ERAP2: variants seen among roughly 807,000 people sequenced by gnomAD.
The protein encoded by ERAP2 is endoplasmic reticulum aminopeptidase 2, also known as leukocyte-derived arginine aminopeptidase.
In ERAP2, 118 loss-of-function variants were observed where a neutral mutation model predicts 111.1. The observed-to-expected ratio is 1.06, with a 90% CI of 0.92 to 1.24. The LOEUF (loss-of-function observed/expected upper bound fraction) is 1.24, where lower values mean the gene tolerates loss of function less well. Among genes scored for constraint, ERAP2 ranks in the 50% most tolerant of loss-of-function variants. The pLI, the probability that ERAP2 is intolerant of heterozygous loss-of-function variation, is 0.00. For synonymous variants in ERAP2, 410 were observed against 401.2 expected, an observed-to-expected ratio of 1.02 and a Z score of -0.26; for missense variants, 1,131 against 1,125.8, an observed-to-expected ratio of 1.00 and a Z score of -0.07.
At chr5:96,914,014 T>C (rs1267311918) in intron 17 of ERAP2, among the ~76,000 whole-genome samples, 1 of 152,120 alleles carries the variant, frequency 6.6e-6, no homozygotes, top group Non-Finnish European at 1.5e-5. Context: ...GGTTTCAACT[T>C]TGGGGAGAAC....
At chr5:96,912,917 C>A in intron 16 of ERAP2, 119 bp downstream of exon 16, 2 of 761,118 alleles carry the variant, frequency 2.6e-6, no homozygotes, top group Non-Finnish European at 4.1e-6. Context: ...ATGTGTATGG[C>A]TTTAACTTTA....
rs541645586 is a variant in ERAP2, at chr5:96,895,000, G to C, written c.1126-246G>C. Among the ~76,000 whole-genome samples, 25 of 152,034 alleles carry C rather than the reference G, an allele frequency of 1.6e-4. 1 individual carries two copies. The South Asian group carries it at 5.2e-3, about 32-fold the overall frequency. On this transcript the variant is annotated intron_variant, in intron 6 of 18. Coordinates refer to ENST00000437043, the MANE Select transcript of ERAP2 (RefSeq NM_022350.5). ...GAAATGTTGGGCAGATAGAATGAAA[G>C]TCGAAGAGTTAAGGGCATTGAGAAC...
chr5:96,914,148 T>TCTCACACA (rs34158080), intron 17 of ERAP2, among the ~76,000 whole-genome samples: 5 of 148,084 alleles, frequency 3.4e-5, no homozygotes, highest in African/African-American at 1.0e-4. Flanking sequence ...TCTCTCTCTC[T>TCTCACACA]CACACACACA....
At chr5:96,892,567 T>TA (rs1180907687) in intron 6 of ERAP2, 114 bp downstream of exon 6, 1 of 1,218,342 alleles carries the variant, frequency 8.2e-7, no homozygotes, top group African/African-American at 1.5e-5. Context: ...GAGGGGAACT[T>TA]AGAGACTACT....
chr5:96,900,059 T>C, intron 9 of ERAP2, 62 bp from the exon 10 acceptor site: 2 of 1,584,314 alleles, frequency 1.3e-6, no homozygotes, highest in African/African-American at 2.7e-5. Context: ...CCATGGCTAA[T>C]GTGCACGTTC....
At position 96,912,694 on chromosome 5, in the gene ERAP2, A is replaced by G; in HGVS notation, c.2412A>G (p.Gly804=). ...VYSVGAQTTA[G]WNYLLEQYEL... ...CTGTGGGTGCTCAGACAACAGCAGG[A>G]TGGAATTACCTTTTAGAGCAATATG... is the stretch of plus-strand genomic sequence containing the variant. The change falls in exon 16 of 19, where the codon GGA becomes GGG. Residue 804 remains glycine, a synonymous_variant. Coordinates refer to ENST00000437043, the MANE Select transcript of ERAP2 (RefSeq NM_022350.5). 6.2e-7 allele frequency: 1 copy of G among 1,610,614 alleles called. No individual in the cohort carries two copies.
intron 5 of ERAP2, among the ~76,000 whole-genome samples, chr5:96,889,989 A>G (rs1784166553): frequency 6.6e-6 from 1 of 152,176 alleles, no homozygotes; most frequent in South Asian, 2.1e-4. Context: ...CTATGCTTCC[A>G]TCCGTTATCT....
chr5:96,896,342 A>T (rs1162135925), intron 7 of ERAP2, 31 bp from the exon 8 acceptor site: 1 of 1,575,458 alleles, frequency 6.3e-7, no homozygotes, highest in East Asian at 2.2e-5. Flanking sequence ...TCAAATAGAA[A>T]CTAAAACTAA....
intron 7 of ERAP2, among the ~76,000 whole-genome samples, chr5:96,895,674 CT>C (rs1329253659): frequency 6.6e-6 from 1 of 152,148 alleles, no homozygotes; most frequent in Non-Finnish European, 1.5e-5. Flanking sequence ...ATGCTCATGG[CT>C]ACTAGGTACT....
intron 15 of ERAP2, 124 bp from the exon 16 acceptor site, chr5:96,912,513 G>C: frequency 5.1e-6 from 3 of 584,568 alleles, no homozygotes; most frequent in Non-Finnish European, 8.5e-6. Flanking sequence ...CAGAGAAAAA[G>C]ATTTAATACA....
rs1782929573 is a variant in ERAP2 at position 96,879,618 on chromosome 5, C to T, written c.-68C>T. 2.3e-6 allele frequency: 3 copies of T among 1,280,460 alleles called. No homozygotes were observed. Among genetic ancestry groups the T allele is most frequent in the Non-Finnish European group, 3.4e-6 (3 of 892,992 alleles). 79.3% of individuals were successfully genotyped at this position (1,280,460 alleles called of 1,614,324 possible). On this transcript the variant is annotated 5_prime_UTR_variant, in exon 2 of 19. Coordinates refer to ENST00000437043, the MANE Select transcript of ERAP2 (RefSeq NM_022350.5). ...AGACCCCATGTGACATAACTGGAGC[C>T]AGTGCAGTGCCATGAAGAACTACGA...
At chr5:96,906,566 A>C (rs2549789) in intron 13 of ERAP2, among the ~76,000 whole-genome samples, 82,456 of 152,072 alleles carry the variant, frequency 0.54, 22,422 homozygotes, top group Admixed American at 0.59. Context: ...CTGCACCCAG[A>C]ATGGAGAGAG....
At chr5:96,901,961 G>C (rs1245932525) in intron 11 of ERAP2, among the ~76,000 whole-genome samples, 2 of 152,162 alleles carry the variant, frequency 1.3e-5, no homozygotes, top group African/African-American at 4.8e-5. Flanking sequence ...AATGTGAAAG[G>C]AATATTGGAT....
At chr5:96,879,141 C>T (rs999586053) in intron 1 of ERAP2, among the ~76,000 whole-genome samples, 1 of 152,086 alleles carries the variant, frequency 6.6e-6, no homozygotes, top group South Asian at 2.1e-4. Context: ...ATCACTTGAG[C>T]CCAGGAAGTT....
Position 96,915,734 on chromosome 5 carries a change from ACAG to A in ERAP2, c.2706_2708del (p.Ala903del). 1 of 1,600,658 alleles carries A rather than the reference ACAG, an allele frequency of 6.2e-7. No homozygotes were observed. The highest frequency in any genetic ancestry group is 8.5e-7 in the Non-Finnish European group (1 of 1,173,874). Reference sequence around the variant, plus strand: ...CATAAGGATGATCATCTCTGGCACAACAGCTCACTTTTCTTCCAAGGATAAGTT... The same window carrying A: ...CATAAGGATGATCATCTCTGGCACAACTCACTTTTCTTCCAAGGATAAGTT... On this transcript the variant is annotated inframe_deletion, in exon 18 of 19. Coordinates refer to ENST00000437043, the MANE Select transcript of ERAP2 (RefSeq NM_022350.5).
At position 96,903,464 on chromosome 5, in the gene ERAP2, G is replaced by A; in HGVS notation, c.1916G>A (p.Gly639Glu). ...GYYIVHYEGH[G>E]WDQLITQLNQ... ...TACATCGTTCACTATGAGGGTCATG[G>A]ATGGGACCAACTCATTACACAGCTG... The change falls in exon 13 of 19, where the codon GGA becomes GAA. Residue 639 changes from glycine to glutamate, a missense_variant. Physicochemically the swap from Gly to Glu is moderately conservative, Grantham distance 98. Transcript: ENST00000437043. 6.2e-7 allele frequency: 1 copy of A among 1,614,018 alleles called. No homozygotes were observed. The highest frequency in any genetic ancestry group is 8.5e-7 in the Non-Finnish European group (1 of 1,179,948).
At chr5:96,892,498 C>G in intron 6 of ERAP2, 45 bp downstream of exon 6, 3 of 1,605,762 alleles carry the variant, frequency 1.9e-6, no homozygotes, top group Non-Finnish European at 2.6e-6. Context: ...TTCAAAATAA[C>G]ATTATATAGA....
In ERAP2 at chr5:96,901,500, T is replaced by C. The variant is rs376703594; in HGVS notation, c.1573-6T>C. ...CTTGAGTTATCATAGTCACCTGTCA[T>C]TTCAGCTCGCCTTTCTGGGGGAAAA... On this transcript the variant is annotated splice_polypyrimidine_tract_variant and splice_region_variant and intron_variant, in intron 10 of 18. Transcript: ENST00000437043. 88 of 1,612,584 alleles carry C rather than the reference T, an allele frequency of 5.5e-5. No individual in the cohort carries two copies. The highest frequency in any genetic ancestry group is 7.0e-5 in the Non-Finnish European group (82 of 1,179,018).
At chr5:96,912,409 CTTA>C (rs1251737522) in intron 15 of ERAP2, among the ~76,000 whole-genome samples, 2 of 151,968 alleles carry the variant, frequency 1.3e-5, no homozygotes, top group Non-Finnish European at 2.9e-5. Context: ...AAATTTTATG[CTTA>C]TTTTCTTGCT....
Sources: allele counts gnomAD v4.1 joint callset (sites outside exome capture counted in the v4.1 genomes callset), GRCh38; gene constraint gnomAD v4.1.1; transcripts MANE v1.5; gene names NCBI Gene and HGNC (gene_info 2026-07-23, HGNC 2026-07-21).